Variants in RBMS3 observed in about 807,000 individuals in gnomAD.
The protein encoded by RBMS3 is RNA-binding motif, single-stranded-interacting protein 3.
Under a neutral mutation model 66.8 loss-of-function variants are expected in RBMS3, and 27 were observed. The ratio of observed to expected loss-of-function variants is 0.40; its 90% CI spans 0.30 to 0.56. The LOEUF (loss-of-function observed/expected upper bound fraction) is 0.56, where lower values mean the gene tolerates loss of function less well. Ranked by LOEUF, RBMS3 falls within the 20% of genes least tolerant of loss-of-function variation. The pLI is 0.40. For missense variants in RBMS3, 513 were observed against 549.5 expected (o/e 0.93, Z 0.66); for synonymous variants, 188 against 183.0 (o/e 1.03, Z -0.22).
chr3:29,543,270 A>G (rs1447420013), intron 3 of RBMS3, among the ~76,000 whole-genome samples: 1 of 152,176 alleles, frequency 6.6e-6, no homozygotes, highest in African/African-American at 2.4e-5. Context: ...AACAAATAAT[A>G]TGAAGCAAGA....
intron 4 of RBMS3, chr3:29,698,545 T>G: frequency 1.0e-6 from 1 of 985,416 alleles, no homozygotes; most frequent in Non-Finnish European, 1.2e-6. Context: ...GATGGCGGAT[T>G]CAATGAAATA....
chr3:29,775,764 AATG>A (rs1339910131), intron 6 of RBMS3, among the ~76,000 whole-genome samples: 5 of 152,036 alleles, frequency 3.3e-5, no homozygotes, highest in African/African-American at 1.2e-4. Context: ...TAATAATAAA[AATG>A]ATAATAATAT....
intron 10 of RBMS3, among the ~76,000 whole-genome samples, chr3:29,911,917 C>T (rs955657122): frequency 1.3e-5 from 2 of 151,658 alleles, no homozygotes; most frequent in African/African-American, 2.4e-5. Context: ...ATTAATCATA[C>T]AAGTAAAACA....
chr3:29,976,490 A>C (rs1697592035), intron 12 of RBMS3, among the ~76,000 whole-genome samples: 1 of 152,126 alleles, frequency 6.6e-6, no homozygotes, highest in Admixed American at 6.6e-5. Flanking sequence ...ACTAGTCTGG[A>C]TAGAGATCTA....
intron 4 of RBMS3, among the ~76,000 whole-genome samples, chr3:29,637,331 T>C (rs925695556): frequency 1.3e-5 from 2 of 151,842 alleles, no homozygotes; most frequent in African/African-American, 4.8e-5. Flanking sequence ...GAAACCTTAG[T>C]TGATATGCTC....
intron 3 of RBMS3, among the ~76,000 whole-genome samples, chr3:29,550,761 C>A: frequency 6.6e-6 from 1 of 151,994 alleles, no homozygotes; most frequent in East Asian, 1.9e-4. Flanking sequence ...ATCTGTGAAC[C>A]CTGCATATTT....
intron 6 of RBMS3, among the ~76,000 whole-genome samples, chr3:29,839,822 T>C (rs527451246): frequency 2.2e-4 from 34 of 151,884 alleles, no homozygotes; most frequent in African/African-American, 7.9e-4. Flanking sequence ...TAGAAAAAAT[T>C]GTTTGAAATG....
At chr3:29,369,520 ACACACACACACAC>A (rs1214345467) in intron 1 of RBMS3, among the ~76,000 whole-genome samples, 1 of 149,942 alleles carries the variant, frequency 6.7e-6, no homozygotes, top group East Asian at 2.0e-4. Flanking sequence ...ACACACACAC[ACACACACACACAC>A]TTTGAGTGAG....
intron 10 of RBMS3, among the ~76,000 whole-genome samples, chr3:29,908,901 A>T (rs888263921): frequency 5.9e-5 from 9 of 152,120 alleles, no homozygotes; most frequent in Non-Finnish European, 8.8e-5. Context: ...AAAATTTGTC[A>T]AAATTTTAGT....
At chr3:29,796,488 C>A (rs1263430469) in intron 6 of RBMS3, among the ~76,000 whole-genome samples, 1 of 152,038 alleles carries the variant, frequency 6.6e-6, no homozygotes, top group East Asian at 1.9e-4. Flanking sequence ...TGTAATTTTC[C>A]AAGATCTATC....
intron 5 of RBMS3, among the ~76,000 whole-genome samples, chr3:29,751,083 G>A (rs762612357): frequency 5.3e-5 from 8 of 152,082 alleles, no homozygotes; most frequent in Non-Finnish European, 1.0e-4. Flanking sequence ...TGATAGGGAA[G>A]AGATTTAATA....
intron 4 of RBMS3, among the ~76,000 whole-genome samples, chr3:29,592,738 G>C (rs4333055): frequency 6.6e-6 from 1 of 152,062 alleles, no homozygotes; most frequent in African/African-American, 2.4e-5. Context: ...ATTCATAATA[G>C]CAAAGACTTG....
chr3:29,584,261 CT>C (rs1438678269), intron 3 of RBMS3, among the ~76,000 whole-genome samples: 1 of 151,830 alleles, frequency 6.6e-6, no homozygotes, highest in Non-Finnish European at 1.5e-5. Flanking sequence ...ATCTGATTCC[CT>C]TTTCATTTCC....
chr3:29,463,113 G>A (rs960369148), intron 2 of RBMS3, among the ~76,000 whole-genome samples: 3 of 152,154 alleles, frequency 2.0e-5, no homozygotes, highest in African/African-American at 7.2e-5. Context: ...GGGACCTCAT[G>A]GTCAGGCTTC....
intron 10 of RBMS3, among the ~76,000 whole-genome samples, chr3:29,934,789 G>GA (rs1322162157): frequency 6.6e-6 from 1 of 152,026 alleles, no homozygotes; most frequent in African/African-American, 2.4e-5. Flanking sequence ...TATTATCTCT[G>GA]AAAATTAATG....
intron 6 of RBMS3, among the ~76,000 whole-genome samples, chr3:29,858,499 T>C (rs1411766243): frequency 6.6e-6 from 1 of 152,194 alleles, no homozygotes; most frequent in East Asian, 1.9e-4. Flanking sequence ...TGCTTTGCCT[T>C]TTAGCCACAC....
chr3:29,799,994 C>G (rs1377898814), intron 6 of RBMS3, among the ~76,000 whole-genome samples: 2 of 152,160 alleles, frequency 1.3e-5, no homozygotes, highest in Non-Finnish European at 2.9e-5. Flanking sequence ...CACTGTTTGT[C>G]CATTTTAGCT....
At chr3:29,289,515 C>T (rs1003212350) in intron 1 of RBMS3, among the ~76,000 whole-genome samples, 4 of 151,768 alleles carry the variant, frequency 2.6e-5, no homozygotes, top group Non-Finnish European at 5.9e-5. Context: ...AAACAGTTAA[C>T]TATGTTCCTA....
chr3:29,921,863 A>T (rs1317743067), intron 10 of RBMS3, among the ~76,000 whole-genome samples: 2 of 152,180 alleles, frequency 1.3e-5, no homozygotes, highest in Non-Finnish European at 2.9e-5. Context: ...CTTGATACTC[A>T]GTGATCTCAG....
Sources: gnomAD v4.1 joint callset for allele counts (sites outside exome capture counted in the v4.1 genomes callset) on GRCh38, gnomAD v4.1.1 for gene constraint, MANE v1.5 for transcripts, NCBI Gene and HGNC (gene_info 2026-07-23, HGNC 2026-07-21) for gene names.